SPNS3: variants seen among roughly 807,000 people sequenced by gnomAD.
SPNS3 encodes SPNS lysolipid transporter 3, sphingosine-1-phosphate (putative).
Under a neutral mutation model 54.4 loss-of-function variants are expected in SPNS3, and 51 were observed. The ratio of observed to expected loss-of-function variants is 0.94; its 90% confidence interval spans 0.75 to 1.18. SPNS3 has a LOEUF of 1.18. Among genes scored for constraint, SPNS3 ranks in the 50% most tolerant of loss-of-function variants. The pLI is 0.00. For synonymous variants in SPNS3, 309 were observed against 294.7 expected, an observed-to-expected ratio of 1.05 and a Z score of -0.50; for missense variants, 669 against 677.4, an observed-to-expected ratio of 0.99 and a Z score of 0.14.
intron 8 of SPNS3, among the ~76,000 whole-genome samples, chr17:4,472,774 C>CA (rs1567572187): frequency 3.3e-4 from 17 of 50,972 alleles, no homozygotes; most frequent in African/African-American, 1.1e-3. Flanking sequence ...GCTTGGCAGC[C>CA]TTTTTTTTTT....
In SPNS3 at chr17:4,486,302, T is replaced by C. The variant is rs769187521; in HGVS notation, c.1254T>C (p.Ala418=). The change falls in exon 10 of 12, where the codon GCT becomes GCC. Residue 418 remains alanine (A), a synonymous_variant. Coordinates refer to ENST00000355530, the MANE Select transcript of SPNS3 (RefSeq NM_182538.5). This position sits in a 1 kb window ranked among gnomAD's most constrained non-coding sequence, Gnocchi z 5.5. Reference sequence around the variant, plus strand: ...CGGTGGGCCACATCCTGGGAGACGCTGGCAGCCCCTATCTCACAGGACTTG... The same window carrying C: ...CGGTGGGCCACATCCTGGGAGACGCCGGCAGCCCCTATCTCACAGGACTTG... ...QITVGHILGD[A]GSPYLTGLIS... 1 of 1,593,650 alleles carries C rather than the reference T, an allele frequency of 6.3e-7. No individual in the cohort carries two copies. Among genetic ancestry groups the C allele is most frequent in the Admixed American group, 1.8e-5 (1 of 54,836 alleles).
intron 8 of SPNS3, among the ~76,000 whole-genome samples, chr17:4,467,455 T>A (rs1971709222): frequency 1.3e-5 from 2 of 152,094 alleles, no homozygotes; most frequent in Non-Finnish European, 2.9e-5. Flanking sequence ...CACTGGAATG[T>A]CCACGCTGAC....
At chr17:4,454,133 C>T (rs773692138) in intron 8 of SPNS3, among the ~76,000 whole-genome samples, 12 of 152,244 alleles carry the variant, frequency 7.9e-5, no homozygotes, top group Non-Finnish European at 1.6e-4. Context: ...TTCACGTTCC[C>T]ACTTGGGCTC....
In SPNS3 at chr17:4,449,396, A is replaced by G; in HGVS notation, c.923+9A>G. On this transcript the variant is annotated intron_variant, in intron 7 of 11. Transcript: ENST00000355530. ...TGCAGCAACCCCGACAGGTGAGGGCATCCGGGGGCCCTGGGCACCTGGCCC... is the reference window on the plus strand; with the variant it reads ...TGCAGCAACCCCGACAGGTGAGGGCGTCCGGGGGCCCTGGGCACCTGGCCC... 1 of 1,573,824 alleles carries G rather than the reference A, an allele frequency of 6.4e-7. No homozygotes were observed. The highest frequency in any genetic ancestry group is 8.6e-7 in the Non-Finnish European group (1 of 1,168,022).
chr17:4,442,821 G>A (rs1469142393), intron 2 of SPNS3, among the ~76,000 whole-genome samples: 1 of 152,094 alleles, frequency 6.6e-6, no homozygotes, highest in Non-Finnish European at 1.5e-5. Context: ...GCTGAAGCTG[G>A]GATTTGAATC....
At chr17:4,441,823 C>T (rs1970855602) in intron 2 of SPNS3, among the ~76,000 whole-genome samples, 1 of 151,982 alleles carries the variant, frequency 6.6e-6, no homozygotes, top group Non-Finnish European at 1.5e-5. Flanking sequence ...CCATGTTGGC[C>T]AGGCTGGTCT....
At chr17:4,447,006 C>T (rs772780054) in intron 5 of SPNS3, 44 bp downstream of exon 5, 16 of 1,606,346 alleles carry the variant, frequency 1.0e-5, no homozygotes, top group Admixed American at 8.3e-5. Flanking sequence ...CCCTCTGGAC[C>T]GGCAGGGACT....
At chr17:4,458,629 CTTT>C (rs1567564024) in intron 8 of SPNS3, among the ~76,000 whole-genome samples, 4 of 129,018 alleles carry the variant, frequency 3.1e-5, no homozygotes, top group African/African-American at 5.9e-5. Flanking sequence ...TTCTTTCTTT[CTTT>C]CTTTCTTTCT....
intron 9 of SPNS3, among the ~76,000 whole-genome samples, chr17:4,485,854 T>G (rs892687633): frequency 2.0e-5 from 3 of 152,238 alleles, no homozygotes; most frequent in Non-Finnish European, 4.4e-5. Context: ...TGCAGACACC[T>G]GGCATGCACC....
intron 9 of SPNS3, among the ~76,000 whole-genome samples, chr17:4,481,551 T>C (rs1006340448): frequency 2.6e-5 from 4 of 151,826 alleles, no homozygotes; most frequent in African/African-American, 9.7e-5. Flanking sequence ...GGAAAATGGG[T>C]GGAAACTGCA....
chr17:4,469,883 C>T (rs62064886), intron 8 of SPNS3, among the ~76,000 whole-genome samples: 29,019 of 151,726 alleles, frequency 0.19, 3,091 homozygotes, highest in Middle Eastern at 0.36. Context: ...TTGGGAGACA[C>T]TAAAAAAACA....
rs372605527 is a variant in SPNS3 at position 4,446,042 on chromosome 17, G to A, written c.403-6G>A. The A allele has an allele frequency of 3.8e-5, 60 of 1,599,648 alleles. No individual in the cohort carries two copies. Among genetic ancestry groups the A allele is most frequent in the African/African-American group, 9.4e-5 (7 of 74,574 alleles). On this transcript the variant is annotated splice_polypyrimidine_tract_variant and splice_region_variant and intron_variant, in intron 3 of 11. Transcript: ENST00000355530. ...ACTCACCGTGGTCTTGTGCCTGCTC[G>A]CCCAGTATTCTTGGCTCTTCTTCCT...
At chr17:4,469,299 C>T (rs1395777010) in intron 8 of SPNS3, among the ~76,000 whole-genome samples, 38 of 152,040 alleles carry the variant, frequency 2.5e-4, no homozygotes, top group Non-Finnish European at 1.5e-5. Flanking sequence ...GTTACCCAGG[C>T]TGCTCTGGAA....
At chr17:4,446,543 G>A in intron 4 of SPNS3, 1 of 513,660 alleles carries the variant, frequency 1.9e-6, no homozygotes, top group Non-Finnish European at 3.5e-6. Flanking sequence ...CCCACAACAG[G>A]CTAGGCCAGA....
intron 2 of SPNS3, among the ~76,000 whole-genome samples, chr17:4,442,017 T>TGTGTGTGTGTG (rs10692534): frequency 2.9e-4 from 43 of 150,646 alleles, no homozygotes; most frequent in East Asian, 9.7e-4. Flanking sequence ...TGTGTGTGTG[T>TGTGTGTGTGTG]TTGGCAGTAG....
At chr17:4,448,394 C>G in intron 6 of SPNS3, 91 bp downstream of exon 6, 11 of 1,267,278 alleles carry the variant, frequency 8.7e-6, no homozygotes, top group Non-Finnish European at 1.1e-5. Context: ...TCCAGGGAGC[C>G]CTCCCTGGTT....
At chr17:4,468,169 G>A (rs1971734377) in intron 8 of SPNS3, among the ~76,000 whole-genome samples, 1 of 152,198 alleles carries the variant, frequency 6.6e-6, no homozygotes, top group Non-Finnish European at 1.5e-5. Context: ...GGCTGGGCGT[G>A]GAGGCGCACA....
intron 3 of SPNS3, among the ~76,000 whole-genome samples, chr17:4,445,375 C>CT (rs150794166): frequency 0.088 from 12,526 of 142,056 alleles, 570 homozygotes; most frequent in Middle Eastern, 0.11. Flanking sequence ...AGCTGGTGGA[C>CT]TTTTTTTTTT....
chr17:4,453,042 T>C lies in SPNS3; in HGVS notation c.950T>C (p.Met317Thr). 1 of 1,614,026 alleles carries C rather than the reference T, an allele frequency of 6.2e-7. No individual in the cohort carries two copies. Among genetic ancestry groups the C allele is most frequent in the African/African-American group, 1.3e-5 (1 of 75,046 alleles). Residue 317 changes from methionine to threonine, a missense_variant, in exon 8 of 12, where the codon ATG becomes ACG. Coordinates refer to ENST00000355530, the MANE Select transcript of SPNS3 (RefSeq NM_182538.5). Reference protein sequence around the residue: ...DSLIFGALTIMTGVIGVILGA... With the variant: ...DSLIFGALTITTGVIGVILGA... Reference sequence around the variant, plus strand: ...CTGATTTTTGGGGCACTGACCATCATGACCGGCGTCATTGGGGTCATCTTG... The same window carrying C: ...CTGATTTTTGGGGCACTGACCATCACGACCGGCGTCATTGGGGTCATCTTG...
Sources: allele counts gnomAD v4.1 joint callset (sites outside exome capture counted in the v4.1 genomes callset), GRCh38; gene constraint gnomAD v4.1.1; non-coding constraint Gnocchi (gnomAD v3.1); transcripts MANE v1.5; gene names NCBI Gene and HGNC (gene_info 2026-07-23, HGNC 2026-07-21).